The following BICD1 variants were observed in gnomAD, a reference collection of about 807,000 sequenced individuals.
BICD1 encodes protein bicaudal D homolog 1.
BICD1 carries 35 observed loss-of-function variants against 92.5 expected under a neutral mutation model. The ratio of observed to expected loss-of-function variants is 0.38; its 90% CI spans 0.29 to 0.50. BICD1 has a LOEUF of 0.50. Ranked by LOEUF, BICD1 falls within the 20% of genes least tolerant of loss-of-function variation. The pLI is 0.93. For missense variants in BICD1, 950 were observed against 1,189.8 expected (o/e 0.80, Z 2.97); for synonymous variants, 429 against 465.1 (o/e 0.92, Z 1.00).
chr12:32,360,303 T>C (rs16919793), intron 8 of BICD1, among the ~76,000 whole-genome samples: 6,562 of 152,146 alleles, frequency 0.043, 455 homozygotes, highest in African/African-American at 0.15. Flanking sequence ...TTATGAAAGA[T>C]AGAGGAAGAG....
intron 1 of BICD1, among the ~76,000 whole-genome samples, chr12:32,146,211 C>T (rs1301436292): frequency 1.3e-5 from 2 of 152,192 alleles, no homozygotes; most frequent in Non-Finnish European, 2.9e-5. Flanking sequence ...TTTTCTCTTG[C>T]ACACTGTTAA....
intron 2 of BICD1, among the ~76,000 whole-genome samples, chr12:32,271,297 A>G (rs796560155): frequency 5.4e-4 from 82 of 152,280 alleles, no homozygotes; most frequent in African/African-American, 1.9e-3. Context: ...GAGGCCCCCA[A>G]AATGAGGCGC....
At chr12:32,228,474 A>C (rs1283860491) in intron 2 of BICD1, among the ~76,000 whole-genome samples, 1 of 152,144 alleles carries the variant, frequency 6.6e-6, no homozygotes, top group African/African-American at 2.4e-5. Flanking sequence ...AGACCATTGA[A>C]AGGATTTAGG....
At chr12:32,367,274 G>A (rs1056504496) in intron 8 of BICD1, among the ~76,000 whole-genome samples, 2 of 152,114 alleles carry the variant, frequency 1.3e-5, no homozygotes, top group African/African-American at 2.4e-5. Flanking sequence ...ATCTGAATGC[G>A]TTCCATTTTG....
chr12:32,197,039 G>C (rs549797780), intron 1 of BICD1, among the ~76,000 whole-genome samples: 1 of 114,420 alleles, frequency 8.7e-6, no homozygotes, highest in Non-Finnish European at 1.8e-5. Context: ...TTTTTTTTTT[G>C]AGACAGAGTC....
At chr12:32,289,516 G>A (rs1947668128) in intron 2 of BICD1, among the ~76,000 whole-genome samples, 1 of 152,170 alleles carries the variant, frequency 6.6e-6, no homozygotes, top group Non-Finnish European at 1.5e-5. Flanking sequence ...CTCCCAAGTA[G>A]CTAGGACTAC....
At chr12:32,135,639 G>A (rs926663658) in intron 1 of BICD1, among the ~76,000 whole-genome samples, 2 of 151,848 alleles carry the variant, frequency 1.3e-5, no homozygotes, top group Admixed American at 1.3e-4. Context: ...TGCCTCAAGC[G>A]ATCTTCTGCC....
Position 32,294,110 on chromosome 12 carries a change from A to C in BICD1, c.543A>C (p.Thr181=). Residue 181 remains threonine (T), a synonymous_variant, in exon 3 of 10, where the codon ACA becomes ACC. Coordinates refer to ENST00000652176, the MANE Select transcript of BICD1 (RefSeq NM_001714.4). ...CTGAATTGGAAGAAGAAAATATCAC[A>C]TTGCAGAAACTAGTGTCCACGTTGA... The part of the protein sequence containing the change: ...DYTELEEENI[T]LQKLVSTLKQ... 1 of 1,608,180 alleles carries C rather than the reference A, an allele frequency of 6.2e-7. No homozygotes were observed. Among genetic ancestry groups the C allele is most frequent in the Non-Finnish European group, 8.5e-7 (1 of 1,178,804 alleles).
chr12:32,128,464 T>C (rs1019485636), intron 1 of BICD1, among the ~76,000 whole-genome samples: 2 of 134,798 alleles, frequency 1.5e-5, no homozygotes, highest in African/African-American at 5.0e-5. Flanking sequence ...TCTCTTTAGG[T>C]ATAAATAACC....
chr12:32,252,034 A>T (rs190174125), intron 2 of BICD1, among the ~76,000 whole-genome samples: 1 of 56,674 alleles, frequency 1.8e-5, no homozygotes, highest in South Asian at 5.2e-4. Context: ...TATATTTATA[A>T]TATATATTTA....
At chr12:32,375,430 T>C (rs994074295) in intron 9 of BICD1, among the ~76,000 whole-genome samples, 8 of 152,090 alleles carry the variant, frequency 5.3e-5, no homozygotes, top group African/African-American at 1.9e-4. Context: ...CTCGGGAGGC[T>C]GAAGCAGGAG....
chr12:32,323,826 A>T (rs932325768), intron 4 of BICD1, among the ~76,000 whole-genome samples: 1 of 152,214 alleles, frequency 6.6e-6, no homozygotes, highest in African/African-American at 2.4e-5. Flanking sequence ...CAAACTTAAT[A>T]ATTAATGGGG....
intron 8 of BICD1, among the ~76,000 whole-genome samples, chr12:32,354,623 T>G (rs1384389342): frequency 6.6e-6 from 1 of 152,210 alleles, no homozygotes; most frequent in Non-Finnish European, 1.5e-5. Flanking sequence ...CTGTGGGTAC[T>G]TTTAGAATAA....
intron 1 of BICD1, among the ~76,000 whole-genome samples, chr12:32,183,747 C>T (rs1369330700): frequency 2.0e-5 from 3 of 152,126 alleles, no homozygotes; most frequent in Non-Finnish European, 4.4e-5. Context: ...TCAGAGTTCC[C>T]AGCTAATAAA....
At chr12:32,225,362 T>C (rs934462932) in intron 2 of BICD1, among the ~76,000 whole-genome samples, 1 of 152,192 alleles carries the variant, frequency 6.6e-6, no homozygotes, top group Non-Finnish European at 1.5e-5. Context: ...GTTCACCTAC[T>C]GAAGAACATG....
At chr12:32,332,703 C>A in intron 5 of BICD1, 1 of 363,198 alleles carries the variant, frequency 2.8e-6, no homozygotes, top group Non-Finnish European at 3.8e-6. Flanking sequence ...TTCACAGAAG[C>A]AATTATACCT....
intron 1 of BICD1, chr12:32,107,888 C>G (rs909778667): frequency 1.7e-6 from 1 of 593,124 alleles, no homozygotes; most frequent in Non-Finnish European, 3.0e-6. Context: ...ATCTCAAACC[C>G]AGGTTTCAGC....
intron 1 of BICD1, among the ~76,000 whole-genome samples, chr12:32,169,535 T>C (rs1943873127): frequency 1.3e-5 from 2 of 152,008 alleles, no homozygotes; most frequent in African/African-American, 4.8e-5. Context: ...CGCCTCGGCC[T>C]CTCAAAGTGT....
chr12:32,121,927 C>T (rs1452376351), intron 1 of BICD1, among the ~76,000 whole-genome samples: 1 of 151,832 alleles, frequency 6.6e-6, no homozygotes, highest in Admixed American at 6.6e-5. Context: ...GATCCTCCTG[C>T]CTCAGCCTCC....
Sources: allele counts gnomAD v4.1 joint callset (sites outside exome capture counted in the v4.1 genomes callset), GRCh38; gene constraint gnomAD v4.1.1; transcripts MANE v1.5; gene names NCBI Gene and HGNC (gene_info 2026-07-23, HGNC 2026-07-21).